VPS13B: variants seen among roughly 807,000 people sequenced by gnomAD.
VPS13B encodes the protein vacuolar protein sorting 13 homolog B, also known as intermembrane lipid transfer protein VPS13B.
Under a neutral mutation model 426.4 loss-of-function variants are expected in VPS13B, and 285 were observed. The ratio of observed to expected loss-of-function variants is 0.67; its 90% confidence interval spans 0.61 to 0.74. VPS13B has a LOEUF of 0.74. Among genes scored for constraint, VPS13B ranks in the 30% least tolerant of loss-of-function variants. The pLI is 0.00. For synonymous variants in VPS13B, 1,676 were observed against 1,676.4 expected, an observed-to-expected ratio of 1.00 and a Z score of 0.01; for missense variants, 4,537 against 4,782.6, an observed-to-expected ratio of 0.95 and a Z score of 1.51.
intron 27 of VPS13B, among the ~76,000 whole-genome samples, chr8:99,503,912 G>A (rs138632462): frequency 6.6e-6 from 1 of 152,296 alleles, no homozygotes; most frequent in Non-Finnish European, 1.5e-5. Flanking sequence ...GTCTACAGTG[G>A]TGAATCTTTT....
intron 16 of VPS13B, among the ~76,000 whole-genome samples, chr8:99,172,461 CTCTT>C (rs1466589794): frequency 1.3e-5 from 2 of 152,108 alleles, no homozygotes; most frequent in African/African-American, 4.8e-5. Context: ...CTCTTATAAA[CTCTT>C]TCTAATTTTC....
At chr8:99,577,440 T>C (rs1474831436) in intron 32 of VPS13B, 50 bp from the exon 33 acceptor site, 2 of 1,609,886 alleles carry the variant, frequency 1.2e-6, no homozygotes, top group Admixed American at 1.7e-5. Flanking sequence ...TAAATTATCA[T>C]CTGAAAGCTA....
intron 30 of VPS13B, among the ~76,000 whole-genome samples, chr8:99,551,945 A>G (rs1269485340): frequency 6.6e-6 from 1 of 151,976 alleles, no homozygotes; most frequent in Non-Finnish European, 1.5e-5. Flanking sequence ...ATAAGACATT[A>G]TCTCTTCAAA....
intron 17 of VPS13B, among the ~76,000 whole-genome samples, chr8:99,250,415 A>G (rs1817440677): frequency 6.6e-6 from 1 of 152,100 alleles, no homozygotes; most frequent in Admixed American, 6.5e-5. Flanking sequence ...TGTTGTTAAG[A>G]TTAAGAACTC....
At chr8:99,031,491 T>C (rs1359043352) in intron 2 of VPS13B, among the ~76,000 whole-genome samples, 1 of 152,192 alleles carries the variant, frequency 6.6e-6, no homozygotes, top group East Asian at 1.9e-4. Flanking sequence ...CCTAGCTTGA[T>C]ATCTGTTTAT....
intron 3 of VPS13B, among the ~76,000 whole-genome samples, chr8:99,072,423 A>G (rs950024590): frequency 2.0e-5 from 3 of 152,082 alleles, no homozygotes; most frequent in African/African-American, 7.2e-5. Context: ...CTGATGCCCT[A>G]TGCTACTGTG....
chr8:99,758,308 A>T (rs1216107602), intron 39 of VPS13B, among the ~76,000 whole-genome samples: 4 of 152,232 alleles, frequency 2.6e-5, no homozygotes, highest in Non-Finnish European at 5.9e-5. Flanking sequence ...TCAACTTCTA[A>T]CTGAAAGACA....
intron 21 of VPS13B, among the ~76,000 whole-genome samples, chr8:99,397,360 G>C (rs999692951): frequency 2.0e-5 from 3 of 152,150 alleles, no homozygotes; most frequent in African/African-American, 7.2e-5. Context: ...GGCCAGGATG[G>C]TCTCGATCTC....
rs1824577833 is a variant in VPS13B at position 99,556,579 on chromosome 8, T to G, written c.4875T>G (p.Ser1625Arg). The G allele has an allele frequency of 6.2e-7, 1 of 1,613,208 alleles. No individual in the cohort carries two copies. The highest frequency in any genetic ancestry group is 8.5e-7 in the Non-Finnish European group (1 of 1,179,450). ...ATCAACTAAAACCAGAGAAGGAAAG[T>G]GTCTCAGGAGGGGTGGTAACAGAGA... Reference protein sequence around the residue: ...QWHQLKPEKESVSGGVVTETE... With the variant: ...QWHQLKPEKERVSGGVVTETE... Residue 1625 changes from serine to arginine, a missense_variant, in exon 31 of 62, where the codon AGT (serine) becomes AGG (arginine). By Grantham distance (110) the Ser-to-Arg change is moderately radical. Coordinates refer to ENST00000357162, the MANE Select transcript of VPS13B (RefSeq NM_152564.5).
At chr8:99,839,844 C>A (rs1331380951) in intron 54 of VPS13B, among the ~76,000 whole-genome samples, 1 of 152,226 alleles carries the variant, frequency 6.6e-6, no homozygotes. Context: ...GAGAAATTTT[C>A]TTCTTGTATC....
At chr8:99,157,861 T>C (rs1275379785) in intron 15 of VPS13B, among the ~76,000 whole-genome samples, 2 of 152,204 alleles carry the variant, frequency 1.3e-5, no homozygotes, top group African/African-American at 2.4e-5. Flanking sequence ...AACAGCCATA[T>C]TGTTGATATA....
chr8:99,611,007 A>C (rs771319621), intron 33 of VPS13B, among the ~76,000 whole-genome samples: 2 of 152,168 alleles, frequency 1.3e-5, no homozygotes, highest in Non-Finnish European at 2.9e-5. Context: ...TTATAGAAAA[A>C]CTGTTAGATT....
chr8:99,037,308 A>T (rs773611711), intron 2 of VPS13B, among the ~76,000 whole-genome samples: 15 of 151,984 alleles, frequency 9.9e-5, no homozygotes, highest in Middle Eastern at 3.2e-3. Flanking sequence ...TTAGGCCCAC[A>T]CTTTTGTAAT....
chr8:99,337,046 A>G (rs1383605290), intron 19 of VPS13B, among the ~76,000 whole-genome samples: 5 of 152,154 alleles, frequency 3.3e-5, no homozygotes, highest in African/African-American at 1.2e-4. Flanking sequence ...TCATGCTGCT[A>G]TAGAGACACA....
At chr8:99,046,761 A>G (rs1843261583) in intron 3 of VPS13B, among the ~76,000 whole-genome samples, 2 of 152,012 alleles carry the variant, frequency 1.3e-5, no homozygotes, top group East Asian at 3.9e-4. Context: ...AAAGGATGCC[A>G]TATTTTTTTT....
At chr8:99,209,785 C>T in intron 17 of VPS13B, 1 of 893,454 alleles carries the variant, frequency 1.1e-6, no homozygotes, top group South Asian at 5.2e-5. Flanking sequence ...ATTCTTTATA[C>T]AAGGAAGTCT....
At chr8:99,565,722 T>C (rs1825144787) in intron 31 of VPS13B, among the ~76,000 whole-genome samples, 2 of 152,110 alleles carry the variant, frequency 1.3e-5, no homozygotes, top group South Asian at 2.1e-4. Context: ...GAATTGTAGA[T>C]AGGAATATGG....
intron 33 of VPS13B, among the ~76,000 whole-genome samples, chr8:99,623,958 T>G: frequency 6.7e-6 from 1 of 149,226 alleles, no homozygotes; most frequent in African/African-American, 2.5e-5. Flanking sequence ...GCAAGGTTGT[T>G]AGAGTTAAAG....
chr8:99,765,337 A>G (rs1226535003), intron 39 of VPS13B, among the ~76,000 whole-genome samples: 3 of 150,038 alleles, frequency 2.0e-5, no homozygotes, highest in Non-Finnish European at 4.4e-5. Flanking sequence ...ATATTACATT[A>G]TTGCTTTAAT....
Sources: gnomAD v4.1 joint callset for allele counts (sites outside exome capture counted in the v4.1 genomes callset) on GRCh38, gnomAD v4.1.1 for gene constraint, MANE v1.5 for transcripts, NCBI Gene and HGNC (gene_info 2026-07-23, HGNC 2026-07-21) for gene names.